NEGR1: variants seen among roughly 807,000 people sequenced by gnomAD.
NEGR1 encodes the protein neuronal growth regulator 1.
NEGR1 carries 10 observed loss-of-function variants against 40.9 expected under a neutral mutation model. The ratio of observed to expected loss-of-function variants is 0.24; its 90% CI spans 0.15 to 0.42. The LOEUF (loss-of-function observed/expected upper bound fraction) is 0.42. NEGR1 is among the 10% of genes least tolerant of loss of function. The pLI, the probability that NEGR1 is intolerant of heterozygous loss-of-function variation, is 1.00. For missense variants in NEGR1, 352 were observed against 438.9 expected (o/e 0.80, Z 1.77); for synonymous variants, 185 against 166.8 (o/e 1.11, Z -0.84).
chr1:71,469,766 T>C (rs1313991946), intron 6 of NEGR1, among the ~76,000 whole-genome samples: 2 of 152,202 alleles, frequency 1.3e-5, no homozygotes, highest in East Asian at 1.9e-4. Flanking sequence ...TTAATTTTTG[T>C]GTCCCCAAAT....
intron 1 of NEGR1, among the ~76,000 whole-genome samples, chr1:72,101,692 A>AC (rs2100246365): frequency 6.6e-6 from 1 of 152,164 alleles, no homozygotes; most frequent in Non-Finnish European, 1.5e-5. Flanking sequence ...CATAACTGAG[A>AC]CCTTTGTCTC....
chr1:71,802,662 A>C (rs183469050), intron 2 of NEGR1, among the ~76,000 whole-genome samples: 75 of 152,312 alleles, frequency 4.9e-4, no homozygotes, highest in African/African-American at 1.7e-3. Context: ...CATCTGGCCA[A>C]AGAGGAGTAT....
intron 1 of NEGR1, among the ~76,000 whole-genome samples, chr1:72,211,091 A>G (rs1310757383): frequency 6.6e-6 from 1 of 151,882 alleles, no homozygotes; most frequent in Non-Finnish European, 1.5e-5. Flanking sequence ...CAATTTTCTG[A>G]AAAAGCTATT....
rs982894762 is a variant in NEGR1 at position 71,626,386 on chromosome 1, G to A, written c.668-15240C>T. On this transcript the variant is annotated intron_variant, in intron 4 of 6. Transcript: ENST00000357731. ...CTCCCCCGACCCCACAACAGGCCCC[G>A]GTGTGTGATGTTCCCCTTCCTATGT... 2.9e-4 allele frequency among the ~76,000 whole-genome samples: 33 copies of A among 114,566 alleles called. No homozygotes were observed. The Admixed American group carries it at 3.0e-3, about 10-fold the overall frequency. 75.2% of individuals were successfully genotyped at this position (114,566 alleles called of 152,430 possible).
chr1:71,754,565 T>C (rs937698755), intron 3 of NEGR1, among the ~76,000 whole-genome samples: 2 of 152,202 alleles, frequency 1.3e-5, no homozygotes, highest in East Asian at 1.9e-4. Context: ...AGCATCCCTA[T>C]CTGGAACCCT....
intron 3 of NEGR1, among the ~76,000 whole-genome samples, chr1:71,759,427 T>TGCTAGA (rs927597998): frequency 2.0e-5 from 3 of 147,326 alleles, no homozygotes; most frequent in Admixed American, 6.9e-5. Flanking sequence ...CCTCCCAAGT[T>TGCTAGA]GCTAGAATTA....
intron 3 of NEGR1, among the ~76,000 whole-genome samples, chr1:71,712,244 A>T (rs1362499641): frequency 6.6e-6 from 1 of 152,244 alleles, no homozygotes; most frequent in East Asian, 1.9e-4. Context: ...AAGATTTACA[A>T]TATCAAATGG....
chr1:71,658,450 A>T (rs1445027450), intron 4 of NEGR1, among the ~76,000 whole-genome samples: 1 of 152,222 alleles, frequency 6.6e-6, no homozygotes, highest in South Asian at 2.1e-4. Flanking sequence ...CCACATTTTC[A>T]AGTCTGTGCC....
chr1:71,602,017 T>C (rs1013434641), intron 5 of NEGR1, among the ~76,000 whole-genome samples: 1 of 152,112 alleles, frequency 6.6e-6, no homozygotes, highest in African/African-American at 2.4e-5. Context: ...CTAGATTGTT[T>C]TAGTACTCTT....
chr1:71,464,097 A>G (rs1646730262), intron 6 of NEGR1, among the ~76,000 whole-genome samples: 1 of 152,104 alleles, frequency 6.6e-6, no homozygotes, highest in Non-Finnish European at 1.5e-5. Context: ...CATGTAGTTA[A>G]TAAGATTAAA....
intron 2 of NEGR1, among the ~76,000 whole-genome samples, chr1:71,829,341 G>A (rs1014685805): frequency 6.6e-6 from 1 of 151,854 alleles, no homozygotes; most frequent in Non-Finnish European, 1.5e-5. Context: ...GTAAAATTAT[G>A]TTCCATTCCC....
At chr1:71,433,321 C>G (rs976922821) in intron 6 of NEGR1, among the ~76,000 whole-genome samples, 3 of 152,214 alleles carry the variant, frequency 2.0e-5, no homozygotes, top group Non-Finnish European at 4.4e-5. Flanking sequence ...TATCTATCAT[C>G]TCACATAGTT....
chr1:71,613,278 G>GA (rs1026278475), intron 4 of NEGR1, among the ~76,000 whole-genome samples: 2 of 152,070 alleles, frequency 1.3e-5, no homozygotes, highest in Admixed American at 6.6e-5. Flanking sequence ...AAAAAAAGAG[G>GA]AGTCAAGGGT....
intron 4 of NEGR1, among the ~76,000 whole-genome samples, chr1:71,681,177 T>C (rs1284761326): frequency 1.3e-5 from 2 of 152,240 alleles, no homozygotes; most frequent in Non-Finnish European, 2.9e-5. Context: ...GTGATGTGTG[T>C]CATTAACATT....
intron 4 of NEGR1, among the ~76,000 whole-genome samples, chr1:71,681,504 T>G (rs2101610650): frequency 6.6e-6 from 1 of 152,308 alleles, no homozygotes; most frequent in South Asian, 2.1e-4. Context: ...TGATCTTTTT[T>G]TATTTTAAGG....
At chr1:71,836,165 C>G (rs1557671137) in intron 2 of NEGR1, among the ~76,000 whole-genome samples, 1 of 151,896 alleles carries the variant, frequency 6.6e-6, no homozygotes. Context: ...CATGTTAAAT[C>G]TACACTTTAT....
chr1:72,119,761 G>A (rs933920363), intron 1 of NEGR1, among the ~76,000 whole-genome samples: 3 of 151,838 alleles, frequency 2.0e-5, no homozygotes, highest in South Asian at 4.1e-4. Context: ...CAATGACCAG[G>A]ACAGCCTCCC....
At chr1:71,847,975 T>C (rs1178563600) in intron 2 of NEGR1, among the ~76,000 whole-genome samples, 1 of 152,152 alleles carries the variant, frequency 6.6e-6, no homozygotes, top group African/African-American at 2.4e-5. Flanking sequence ...AATACACAAA[T>C]GATAAGAAAG....
At chr1:72,169,069 AT>A (rs2100390551) in intron 1 of NEGR1, among the ~76,000 whole-genome samples, 1 of 152,300 alleles carries the variant, frequency 6.6e-6, no homozygotes, top group African/African-American at 2.4e-5. Flanking sequence ...AGATATAACA[AT>A]TTTTAAATTT....
Sources: gnomAD v4.1 joint callset for allele counts (sites outside exome capture counted in the v4.1 genomes callset) on GRCh38, gnomAD v4.1.1 for gene constraint, MANE v1.5 for transcripts, NCBI Gene and HGNC (gene_info 2026-07-23, HGNC 2026-07-21) for gene names.